SPATS2L: variants seen among roughly 807,000 people sequenced by gnomAD.
The protein encoded by SPATS2L is spermatogenesis associated serine rich 2 like.
Under a neutral mutation model 59.6 loss-of-function variants are expected in SPATS2L, and 30 were observed. That is an observed-to-expected ratio of 0.50 (90% CI 0.38 to 0.68). The LOEUF (loss-of-function observed/expected upper bound fraction) is 0.68, where lower values mean the gene tolerates loss of function less well. SPATS2L is among the 30% of genes least tolerant of loss of function. The probability of loss-of-function intolerance (pLI) is 0.00; values close to 1 mark genes in which losing one functional copy is unlikely to be tolerated. For missense variants in SPATS2L, 615 were observed against 700.0 expected, an observed-to-expected ratio of 0.88 and a Z score of 1.37; for synonymous variants, 252 against 263.5, an observed-to-expected ratio of 0.96 and a Z score of 0.42.
At chr2:200,460,723 C>G (rs1194031538) in intron 9 of SPATS2L, 2 of 151,200 alleles carry the variant, frequency 1.3e-5, no homozygotes, top group African/African-American at 4.9e-5. Context: ...TGCACTCCAG[C>G]CTAGGCGACA....
rs751688932 is a variant in SPATS2L, at chr2:200,342,548, A to G, written c.-23+13068A>G. 3.3e-4 allele frequency among the ~76,000 whole-genome samples: 51 copies of G among 152,278 alleles called. 1 individual carries two copies. The highest frequency in any genetic ancestry group is 5.9e-4 in the Admixed American group (9 of 15,300). On this transcript the variant is annotated intron_variant, in intron 2 of 12. Coordinates refer to ENST00000409140, the MANE Select transcript of SPATS2L (RefSeq NM_001100423.2). ...AGTACCTTCATTTCTCATTATGTTC[A>G]CACAAGTCAGGTTGTTGGGGAGCTG... is the stretch of plus-strand genomic sequence containing the variant.
At chr2:200,470,326 C>T (rs928067191) in intron 11 of SPATS2L, among the ~76,000 whole-genome samples, 2 of 152,224 alleles carry the variant, frequency 1.3e-5, no homozygotes, top group South Asian at 2.1e-4. Context: ...TTTCAAACAG[C>T]CCTGGTTCTA....
chr2:200,470,021 G>T lies in SPATS2L; in HGVS notation c.1060+5G>T. 6.3e-7 allele frequency: 1 copy of T among 1,598,564 alleles called. No homozygotes were observed. The highest frequency in any genetic ancestry group is 1.1e-5 in the South Asian group (1 of 88,224). Reference sequence around the variant, plus strand: ...AAATCATGCTCTGCGGAGAAAGTGAGTTTTGCATATTTGCTGAATAATTCT... The same window carrying T: ...AAATCATGCTCTGCGGAGAAAGTGATTTTTGCATATTTGCTGAATAATTCT... On this transcript the variant is annotated splice_donor_5th_base_variant and intron_variant, in intron 11 of 12. Transcript: ENST00000409140.
chr2:200,328,512 C>T (rs548655069), intron 1 of SPATS2L, among the ~76,000 whole-genome samples: 9 of 152,282 alleles, frequency 5.9e-5, no homozygotes, highest in Admixed American at 5.9e-4. Context: ...GGTCAGCTGG[C>T]TTGGAGAAGG....
Position 200,425,478 on chromosome 2 carries a change from A to G in SPATS2L, c.445+5982A>G, listed in dbSNP as rs1338565742. On this transcript the variant is annotated intron_variant, in intron 6 of 12. Coordinates refer to ENST00000409140, the MANE Select transcript of SPATS2L (RefSeq NM_001100423.2). ...TAGCGTTAGACATGTTTGGTTTCAA[A>G]TCTTGGCCTCATCACTTATGAGGTG... 3.9e-5 allele frequency among the ~76,000 whole-genome samples: 6 copies of G among 152,196 alleles called. 1 individual carries two copies. The highest frequency in any genetic ancestry group is 8.8e-5 in the Non-Finnish European group (6 of 68,028).
intron 1 of SPATS2L, among the ~76,000 whole-genome samples, chr2:200,308,098 G>C (rs1046544471): frequency 6.6e-6 from 1 of 152,006 alleles, no homozygotes; most frequent in Non-Finnish European, 1.5e-5. Context: ...TAGTAAGGTC[G>C]TGTAACCTTT....
intron 1 of SPATS2L, among the ~76,000 whole-genome samples, chr2:200,316,171 T>C (rs1275561748): frequency 2.0e-5 from 3 of 152,088 alleles, no homozygotes; most frequent in African/African-American, 7.2e-5. Flanking sequence ...ACTGTGACTA[T>C]AAAGAGAACA....
intron 8 of SPATS2L, among the ~76,000 whole-genome samples, chr2:200,446,619 A>G (rs1288442596): frequency 1.3e-5 from 2 of 152,134 alleles, no homozygotes; most frequent in Admixed American, 6.5e-5. Context: ...AGTGCTGGGA[A>G]AGCCTGGGTG....
intron 3 of SPATS2L, among the ~76,000 whole-genome samples, chr2:200,397,485 GACAA>G (rs1164462293): frequency 6.6e-6 from 1 of 152,154 alleles, no homozygotes; most frequent in African/African-American, 2.4e-5. Context: ...CAGGTAGACA[GACAA>G]ACAGATAGAT....
chr2:200,479,695 C>G lies in SPATS2L; in HGVS notation c.*1664C>G. ...CATATCTGTTGACTACTCACAAGTG[C>G]AAATGCTTATTCTCAACTCAACATT... is the stretch of plus-strand genomic sequence containing the variant. On this transcript the variant is annotated 3_prime_UTR_variant, in exon 13 of 13. Transcript: ENST00000409140. 3 of 398,658 alleles carry G rather than the reference C, an allele frequency of 7.5e-6. No homozygotes were observed. The highest frequency in any genetic ancestry group is 1.3e-5 in the Non-Finnish European group (3 of 226,098). 24.7% of individuals were successfully genotyped at this position (398,658 alleles called of 1,614,324 possible). A position where few individuals can be genotyped will look rare whatever the true frequency, so the allele number is the denominator to read the frequency against.
chr2:200,413,476 T>A (rs1456864835), intron 4 of SPATS2L, among the ~76,000 whole-genome samples: 1 of 152,224 alleles, frequency 6.6e-6, no homozygotes, highest in Non-Finnish European at 1.5e-5. Flanking sequence ...TTAAACAAGT[T>A]CCAGTTTTGA....
At chr2:200,359,824 G>A (rs567143979) in intron 2 of SPATS2L, among the ~76,000 whole-genome samples, 1 of 152,100 alleles carries the variant, frequency 6.6e-6, no homozygotes, top group Non-Finnish European at 1.5e-5. Flanking sequence ...AGGAGTGCAC[G>A]GCTGTGAACC....
intron 8 of SPATS2L, among the ~76,000 whole-genome samples, chr2:200,449,198 T>G (rs950181466): frequency 6.6e-6 from 1 of 152,206 alleles, no homozygotes; most frequent in Non-Finnish European, 1.5e-5. Context: ...TCCTCTGCAA[T>G]AGATGTTTCC....
At chr2:200,352,627 G>A (rs2080780505) in intron 2 of SPATS2L, among the ~76,000 whole-genome samples, 1 of 152,004 alleles carries the variant, frequency 6.6e-6, no homozygotes, top group Non-Finnish European at 1.5e-5. Context: ...GGAGAGGGAA[G>A]CATTATTAAT....
At chr2:200,460,704 T>A (rs1156600817) in intron 9 of SPATS2L, 1 of 150,792 alleles carries the variant, frequency 6.6e-6, no homozygotes, top group Non-Finnish European at 1.5e-5. Context: ...TGAGCCAAGA[T>A]TGCACCACTG....
At chr2:200,359,042 G>C (rs1207893821) in intron 2 of SPATS2L, among the ~76,000 whole-genome samples, 1 of 151,966 alleles carries the variant, frequency 6.6e-6, no homozygotes, top group Non-Finnish European at 1.5e-5. Context: ...GTTAGAGGCT[G>C]AGCCCCAAGC....
intron 11 of SPATS2L, among the ~76,000 whole-genome samples, chr2:200,472,469 G>A (rs1225061078): frequency 6.6e-6 from 1 of 152,200 alleles, no homozygotes; most frequent in Non-Finnish European, 1.5e-5. Flanking sequence ...ACTCTACGAG[G>A]CAGAGTACAT....
chr2:200,308,646 C>G (rs576827345), intron 1 of SPATS2L, among the ~76,000 whole-genome samples: 10 of 152,174 alleles, frequency 6.6e-5, no homozygotes, highest in African/African-American at 2.2e-4. Flanking sequence ...CACACACAGA[C>G]ACACAAACTA....
At chr2:200,369,650 A>T (rs1011112815) in intron 2 of SPATS2L, among the ~76,000 whole-genome samples, 4 of 152,144 alleles carry the variant, frequency 2.6e-5, no homozygotes, top group South Asian at 2.1e-4. Context: ...TATAATATAT[A>T]AAAAAATCCT....
Sources: allele counts gnomAD v4.1 joint callset (sites outside exome capture counted in the v4.1 genomes callset), GRCh38; gene constraint gnomAD v4.1.1; transcripts MANE v1.5; gene names NCBI Gene and HGNC (gene_info 2026-07-23, HGNC 2026-07-21).